AGAP1: variants seen among roughly 807,000 people sequenced by gnomAD.
The protein encoded by AGAP1 is arf-GAP with GTPase, ANK repeat and PH domain-containing protein 1.
AGAP1 carries 29 observed loss-of-function variants against 105.3 expected under a neutral mutation model. That is an observed-to-expected ratio of 0.28 (90% confidence interval 0.21 to 0.38). The LOEUF (loss-of-function observed/expected upper bound fraction) is 0.38. AGAP1 is among the 10% of genes least tolerant of loss of function. The pLI, the probability that AGAP1 is intolerant of heterozygous loss-of-function variation, is 1.00. For synonymous variants in AGAP1, 509 were observed against 485.9 expected (o/e 1.05, Z -0.63); for missense variants, 998 against 1,165.1 (o/e 0.86, Z 2.09).
chr2:235,859,282 A>G (rs1490991910), intron 9 of AGAP1, among the ~76,000 whole-genome samples: 1 of 151,908 alleles, frequency 6.6e-6, no homozygotes, highest in Non-Finnish European at 1.5e-5. Context: ...GTTAAATGGA[A>G]GGAATTGTTT....
chr2:236,029,257 A>G (rs2057149373), intron 13 of AGAP1, among the ~76,000 whole-genome samples: 1 of 149,908 alleles, frequency 6.7e-6, no homozygotes, highest in Admixed American at 6.6e-5. Context: ...GCCTTCTAGG[A>G]TCTTCCTGAA....
intron 3 of AGAP1, among the ~76,000 whole-genome samples, chr2:235,726,714 C>T (rs542386036): frequency 2.6e-4 from 40 of 152,266 alleles, no homozygotes; most frequent in African/African-American, 9.1e-4. Context: ...GTCTGGAAGC[C>T]CCGGGGCCAT....
intron 12 of AGAP1, among the ~76,000 whole-genome samples, chr2:235,950,887 CTTT>C (rs200110792): frequency 8.7e-3 from 1,021 of 116,784 alleles, no homozygotes; most frequent in Non-Finnish European, 0.014. Context: ...TCTCCAAGCA[CTTT>C]TTTTTTTTTT....
At position 235,662,517 on chromosome 2, in the gene AGAP1, ATTT is replaced by A. The variant is rs66689239; in HGVS notation, c.164-46645_164-46643del. ...CTGTCTGCCTTCATGGAAGTTGGTG[ATTT>A]TTTTTTTTTTTTTTTTGGCTCTGTT... On this transcript the variant is annotated intron_variant, in intron 1 of 17. Coordinates refer to ENST00000304032, the MANE Select transcript of AGAP1 (RefSeq NM_001037131.3). This position sits in a 1 kb window ranked among gnomAD's most constrained non-coding sequence, Gnocchi z 4.2. Among the ~76,000 whole-genome samples the A allele has an allele frequency of 0.031, 3,838 of 124,566 alleles. 148 individuals carry two copies. Among genetic ancestry groups the A allele is most frequent in the African/African-American group, 0.097 (3,253 of 33,550 alleles). The allele number at this position is 124,566 out of a possible 152,430, so 81.7% of individuals were successfully genotyped here. A position where few individuals can be genotyped will look rare whatever the true frequency, so the allele number is the denominator to read the frequency against.
Position 235,517,122 on chromosome 2 carries a change from AG to A in AGAP1, c.163+22275del, listed in dbSNP as rs926176884. ...GAGAGTCCATGATCAAGGCACTGGC[AG>A]GTTTGGCTTCTTCCCATTCTGTGCC... On this transcript the variant is annotated intron_variant, in intron 1 of 17. Transcript: ENST00000304032. This position sits in a 1 kb window ranked among gnomAD's most constrained non-coding sequence, Gnocchi z 4.1. Among the ~76,000 whole-genome samples the A allele has an allele frequency of 2.6e-5, 4 of 152,196 alleles. No homozygotes were observed. Among genetic ancestry groups the A allele is most frequent in the African/African-American group, 9.6e-5 (4 of 41,456 alleles).
intron 6 of AGAP1, among the ~76,000 whole-genome samples, chr2:235,794,660 C>T (rs766611747): frequency 1.6e-4 from 25 of 152,010 alleles, no homozygotes; most frequent in Non-Finnish European, 3.5e-4. Context: ...TTAGTAGAGA[C>T]GGGATTTCAC....
chr2:235,617,887 C>T (rs149062702), intron 1 of AGAP1, among the ~76,000 whole-genome samples: 2 of 152,124 alleles, frequency 1.3e-5, no homozygotes, highest in East Asian at 1.9e-4. Flanking sequence ...TGCATGCATG[C>T]ACTTTTGAAT....
In AGAP1 at chr2:236,058,370, G is replaced by C. The variant is rs1202500278; in HGVS notation, c.2114+9089G>C. ...CCAGAGAGCATCTACAAGAGGATTA[G>C]ACTCTGTGATCAGGTGGCACTGAAT... On this transcript the variant is annotated intron_variant, in intron 16 of 17. Coordinates refer to ENST00000304032, the MANE Select transcript of AGAP1 (RefSeq NM_001037131.3). This position sits in a 1 kb window ranked among gnomAD's most constrained non-coding sequence, Gnocchi z 4.6. 2.0e-5 allele frequency among the ~76,000 whole-genome samples: 3 copies of C among 152,190 alleles called. No individual in the cohort carries two copies. Among genetic ancestry groups the C allele is most frequent in the Admixed American group, 6.5e-5 (1 of 15,272 alleles).
chr2:236,091,622 A>T (rs538288599), intron 16 of AGAP1, among the ~76,000 whole-genome samples: 2 of 152,204 alleles, frequency 1.3e-5, no homozygotes, highest in African/African-American at 4.8e-5. Context: ...AAAATACAAA[A>T]ATTAGCCGAG....
In AGAP1 at chr2:235,867,572, T is replaced by TGTGTGTGCGC. The variant is rs375110513; in HGVS notation, c.1051-15770_1051-15769insTGTGCGCGTG. 4.3e-4 allele frequency among the ~76,000 whole-genome samples: 64 copies of TGTGTGTGCGC among 148,488 alleles called. No homozygotes were observed. In the East Asian group the frequency reaches 7.9e-3, roughly 18 times the overall value. ...GTGTGTGTGTGTGTGTGTGTGTGTG[T>TGTGTGTGCGC]GTGCAAGTGAGGGAGGGTGACCCCC... On this transcript the variant is annotated intron_variant, in intron 9 of 17. Transcript: ENST00000304032. This position sits in a 1 kb window ranked among gnomAD's most constrained non-coding sequence, Gnocchi z 5.4.
At chr2:235,847,807 T>A (rs1190366328) in intron 9 of AGAP1, among the ~76,000 whole-genome samples, 1 of 152,182 alleles carries the variant, frequency 6.6e-6, no homozygotes, top group Admixed American at 6.5e-5. Flanking sequence ...GGCTCCGTTT[T>A]CCGTTTCTTG....
intron 16 of AGAP1, among the ~76,000 whole-genome samples, chr2:236,100,832 GA>G (rs72435294): frequency 0.016 from 1,687 of 108,592 alleles, 15 homozygotes; most frequent in African/African-American, 0.036. Context: ...TCCCTCTCAA[GA>G]AAAAAAAAAA....
At position 236,124,212 on chromosome 2, in the gene AGAP1, G is replaced by T; in HGVS notation, c.*90G>T. 4.3e-6 allele frequency: 6 copies of T among 1,391,198 alleles called. No homozygotes were observed. Among genetic ancestry groups the T allele is most frequent in the Non-Finnish European group, 5.9e-6 (6 of 1,014,954 alleles). 86.2% of individuals were successfully genotyped at this position (1,391,198 alleles called of 1,614,324 possible). ...GAAGTCGCAGCACGTGAGTCCCGTC[G>T]CATCCCCTCCCTCTTCCTGGTGGCC... On this transcript the variant is annotated 3_prime_UTR_variant, in exon 18 of 18. Transcript: ENST00000304032. The surrounding 1 kb of genome is among the most constrained non-coding windows in gnomAD (Gnocchi z 5.1).
intron 16 of AGAP1, among the ~76,000 whole-genome samples, chr2:236,081,196 C>T (rs576424721): frequency 1.3e-5 from 2 of 152,148 alleles, no homozygotes; most frequent in Non-Finnish European, 2.9e-5. Context: ...AGGAAAACCA[C>T]ATCGAATCGG....
intron 13 of AGAP1, among the ~76,000 whole-genome samples, chr2:235,991,048 T>C (rs529069053): frequency 1.3e-5 from 2 of 152,304 alleles, no homozygotes; most frequent in Non-Finnish European, 2.9e-5. Context: ...GGGAATTGTG[T>C]TTGCACTGTT....
chr2:235,682,512 T>C (rs999348615), intron 1 of AGAP1, among the ~76,000 whole-genome samples: 30 of 151,966 alleles, frequency 2.0e-4, no homozygotes, highest in African/African-American at 6.5e-4. Flanking sequence ...CTGGTTAATT[T>C]TTTTTTAATT....
chr2:235,811,842 C>T (rs1958158239), intron 9 of AGAP1, among the ~76,000 whole-genome samples: 1 of 152,246 alleles, frequency 6.6e-6, no homozygotes, highest in Non-Finnish European at 1.5e-5. Context: ...ATGGGAAAAA[C>T]ATTGCCTACG....
In AGAP1 at chr2:235,882,748, TA is replaced by T. The variant is rs1476897586; in HGVS notation, c.1051-596del. Among the ~76,000 whole-genome samples, 1 of 152,198 alleles carries T rather than the reference TA, an allele frequency of 6.6e-6. No individual in the cohort carries two copies. Among genetic ancestry groups the T allele is most frequent in the Non-Finnish European group, 1.5e-5 (1 of 68,040 alleles). ...CCTCGGCCTCCCAAAGTTCTGGGAT[TA>T]CAGGCGTGAGCCACCGTGCCCGGCC... On this transcript the variant is annotated intron_variant, in intron 9 of 17. Coordinates refer to ENST00000304032, the MANE Select transcript of AGAP1 (RefSeq NM_001037131.3). The surrounding 1 kb of genome is among the most constrained non-coding windows in gnomAD (Gnocchi z 4.6).
chr2:235,949,997 G>A (rs1438990841), intron 12 of AGAP1, among the ~76,000 whole-genome samples: 1 of 152,198 alleles, frequency 6.6e-6, no homozygotes, highest in Admixed American at 6.5e-5. Context: ...TGGGAAGTCT[G>A]GGAAGACACC....
Sources: allele counts gnomAD v4.1 joint callset (sites outside exome capture counted in the v4.1 genomes callset), GRCh38; gene constraint gnomAD v4.1.1; non-coding constraint Gnocchi (gnomAD v3.1); transcripts MANE v1.5; gene names NCBI Gene and HGNC (gene_info 2026-07-23, HGNC 2026-07-21).